ZNF503: variants seen among roughly 807,000 people sequenced by gnomAD.
ZNF503 encodes NocA-like zinc finger 2.
In ZNF503, 15 loss-of-function variants were observed where a neutral mutation model predicts 34.4. That is an observed-to-expected ratio of 0.44 (90% CI 0.29 to 0.67). The LOEUF is 0.67. Ranked by LOEUF, ZNF503 falls within the 30% of genes least tolerant of loss-of-function variation. The pLI is 0.13. For synonymous variants in ZNF503, 580 were observed against 456.8 expected, an observed-to-expected ratio of 1.27 and a Z score of -3.44; for missense variants, 1,007 against 926.8, an observed-to-expected ratio of 1.09 and a Z score of -1.12.
rs775727472 is a variant in ZNF503 at position 75,401,500 on chromosome 10, G to C, written c.-81C>G. ...GGGCTCGGGGCTGCGCGCTCGCCCC[G>C]GGAGCAGGAGCAGCGGGAGGAGGAG... On this transcript the variant is annotated 5_prime_UTR_variant, in exon 1 of 2. Coordinates refer to ENST00000372524, the MANE Select transcript of ZNF503 (RefSeq NM_032772.6). 16 of 1,456,108 alleles carry C rather than the reference G, an allele frequency of 1.1e-5. No individual in the cohort carries two copies. Among genetic ancestry groups the C allele is most frequent in the Non-Finnish European group, 1.2e-5 (13 of 1,104,434 alleles). 90.2% of individuals were successfully genotyped at this position (1,456,108 alleles called of 1,614,324 possible).
At chr10:75,400,413 G>A (rs1336406988) in intron 1 of ZNF503, 39 bp from the exon 2 acceptor site, 2 of 1,560,654 alleles carry the variant, frequency 1.3e-6, no homozygotes, top group Non-Finnish European at 1.7e-6. Flanking sequence ...GTCACACAGA[G>A]AAAGAAGTGG....
chr10:75,397,170 G>A (rs963547704), downstream of ZNF503, among the ~76,000 whole-genome samples: 1 of 151,786 alleles, frequency 6.6e-6, no homozygotes, highest in Non-Finnish European at 1.5e-5. Context: ...CGGTGGCGCC[G>A]GCCAGCCCCG....
chr10:75,327,674 T>C, the ZNF503 span, among the ~76,000 whole-genome samples: 1 of 152,224 alleles, frequency 6.6e-6, no homozygotes, highest in East Asian at 1.9e-4. Flanking sequence ...GGAAGCTACA[T>C]ACTGTTTTCC....
the ZNF503 span, among the ~76,000 whole-genome samples, chr10:75,320,892 G>T: frequency 6.6e-6 from 1 of 152,100 alleles, no homozygotes; most frequent in Non-Finnish European, 1.5e-5. Context: ...TTCATTCATG[G>T]TATAGTTTTG....
chr10:75,390,736 T>C, the ZNF503 span, among the ~76,000 whole-genome samples: 1 of 152,204 alleles, frequency 6.6e-6, no homozygotes, highest in Non-Finnish European at 1.5e-5. Context: ...AGTCTGCCAA[T>C]ATTCTATTCC....
the ZNF503 span, among the ~76,000 whole-genome samples, chr10:75,283,104 A>G: frequency 6.6e-6 from 1 of 152,264 alleles, no homozygotes; most frequent in Admixed American, 6.5e-5. Context: ...GGAGAAAAGC[A>G]CAGGGAGGGA....
At chr10:75,290,455 G>T in the ZNF503 span, among the ~76,000 whole-genome samples, 22 of 152,158 alleles carry the variant, frequency 1.4e-4, no homozygotes, top group Non-Finnish European at 2.5e-4. Flanking sequence ...AACCAGCATT[G>T]CTGGAGAGCT....
At chr10:75,372,124 G>A in the ZNF503 span, among the ~76,000 whole-genome samples, 2 of 152,146 alleles carry the variant, frequency 1.3e-5, no homozygotes, top group Non-Finnish European at 2.9e-5. Flanking sequence ...TAGAGACAGG[G>A]TTTCACCATG....
At chr10:75,360,945 C>T in the ZNF503 span, 1 of 152,196 alleles carries the variant, frequency 6.6e-6, no homozygotes, top group African/African-American at 2.4e-5. Flanking sequence ...AGAGACAGGC[C>T]CTTGGGTGTG....
chr10:75,366,820 G>A, the ZNF503 span, among the ~76,000 whole-genome samples: 2 of 152,186 alleles, frequency 1.3e-5, no homozygotes, highest in Admixed American at 6.5e-5. Flanking sequence ...TAGCTCCTTC[G>A]TCCCGCGGGT....
the ZNF503 span, among the ~76,000 whole-genome samples, chr10:75,304,876 A>G: frequency 1.3e-5 from 2 of 152,158 alleles, no homozygotes; most frequent in East Asian, 3.8e-4. Flanking sequence ...AGAATACAAA[A>G]CTAGAACTCA....
At chr10:75,295,680 A>G in the ZNF503 span, 2 of 152,166 alleles carry the variant, frequency 1.3e-5, no homozygotes, top group Non-Finnish European at 2.9e-5. This position sits in a 1 kb window ranked among gnomAD's most constrained non-coding sequence, Gnocchi z 4.0. Context: ...CCCTTCTTAT[A>G]TTAATGAATA....
rs1345299805 is a variant in ZNF503 at position 75,398,709 on chromosome 10, CCCTCTCCCT to C, written c.*31_*39del. ...GCCTCTCCCTGGACTCCTCCCCTCC[CCCTCTCCCT>C]CCTCTCCCTCGCTCGCCCTCCCGGC... On this transcript the variant is annotated 3_prime_UTR_variant, in exon 2 of 2. Coordinates refer to ENST00000372524, the MANE Select transcript of ZNF503 (RefSeq NM_032772.6). 23 of 1,351,698 alleles carry C rather than the reference CCCTCTCCCT, an allele frequency of 1.7e-5. No homozygotes were observed. In the East Asian group the frequency reaches 3.2e-4, roughly 19 times the overall value. The allele number at this position is 1,351,698 out of a possible 1,614,324, so 83.7% of individuals were successfully genotyped here. A position where few individuals can be genotyped will look rare whatever the true frequency, so the allele number is the denominator to read the frequency against.
chr10:75,397,512 A>G (rs906711156), downstream of ZNF503, among the ~76,000 whole-genome samples: 6 of 152,244 alleles, frequency 3.9e-5, no homozygotes, highest in African/African-American at 1.4e-4. Context: ...GAAATTTAAC[A>G]AAAACCCTGT....
chr10:75,363,352 AGTT>A, the ZNF503 span, among the ~76,000 whole-genome samples: 4,723 of 151,890 alleles, frequency 0.031, 212 homozygotes, highest in African/African-American at 0.099. Flanking sequence ...TCCTCTTGTG[AGTT>A]GTTGTGATTC....
In ZNF503 at chr10:75,401,024, G is replaced by GC. The variant is rs1347394170; in HGVS notation, c.315+80dup. 1.0e-5 allele frequency: 16 copies of GC among 1,582,318 alleles called. No individual in the cohort carries two copies. In the South Asian group the frequency reaches 1.8e-4, roughly 18 times the overall value. On this transcript the variant is annotated intron_variant, in intron 1 of 1. Coordinates refer to ENST00000372524, the MANE Select transcript of ZNF503 (RefSeq NM_032772.6). ...GAATCACTCCGACCCCCCCACCTCC[G>GC]CCCAGATCCCGAGAAAAAGAAAGCC...
the ZNF503 span, among the ~76,000 whole-genome samples, chr10:75,325,315 C>T: frequency 2.3e-5 from 3 of 127,834 alleles, no homozygotes; most frequent in Admixed American, 7.8e-5. Flanking sequence ...TTTGCCAATA[C>T]CATATATATA....
At chr10:75,361,302 T>C in the ZNF503 span, 1 of 152,236 alleles carries the variant, frequency 6.6e-6, no homozygotes, top group Non-Finnish European at 1.5e-5. Flanking sequence ...AAATTTTCAA[T>C]GAATTATCGT....
the ZNF503 span, among the ~76,000 whole-genome samples, chr10:75,295,878 G>T: frequency 1.3e-5 from 2 of 152,160 alleles, no homozygotes; most frequent in Non-Finnish European, 2.9e-5. This position sits in a 1 kb window ranked among gnomAD's most constrained non-coding sequence, Gnocchi z 4.0. Flanking sequence ...TCACATGGAA[G>T]GGGGGAGAGA....
Sources: allele counts gnomAD v4.1 joint callset (sites outside exome capture counted in the v4.1 genomes callset), GRCh38; gene constraint gnomAD v4.1.1; non-coding constraint Gnocchi (gnomAD v3.1); transcripts MANE v1.5; gene names NCBI Gene and HGNC (gene_info 2026-07-23, HGNC 2026-07-21).